The following DNAH11 variants were observed in gnomAD, a reference collection of about 807,000 sequenced individuals.
DNAH11 encodes dynein axonemal heavy chain 11.
A neutral mutation model predicts 526.0 loss-of-function variants in DNAH11; 442 were observed. The observed-to-expected ratio is 0.84, with a 90% CI of 0.78 to 0.91. The LOEUF (loss-of-function observed/expected upper bound fraction) is 0.91. DNAH11 is among the 40% of genes least tolerant of loss of function. The probability of loss-of-function intolerance (pLI) is 0.00; values close to 1 mark genes in which losing one functional copy is unlikely to be tolerated. For synonymous variants in DNAH11, 2,461 were observed against 1,935.9 expected (o/e 1.27, Z -7.12); for missense variants, 6,989 against 5,448.7 (o/e 1.28, Z -8.90).
intron 6 of DNAH11, among the ~76,000 whole-genome samples, chr7:21,567,572 A>G (rs990614618): frequency 1.3e-5 from 2 of 152,180 alleles, no homozygotes; most frequent in African/African-American, 2.4e-5. Flanking sequence ...CACCATCCCC[A>G]CAGGCGCAGC....
At chr7:21,852,396 G>T in intron 66 of DNAH11, 71 bp from the exon 67 acceptor site, 1 of 1,415,634 alleles carries the variant, frequency 7.1e-7, no homozygotes, top group Non-Finnish European at 9.4e-7. Flanking sequence ...GACAGAGCAA[G>T]ACTTCCTCTA....
At chr7:21,808,133 T>C in intron 63 of DNAH11, 84 bp downstream of exon 63, 3 of 1,158,716 alleles carry the variant, frequency 2.6e-6, no homozygotes, top group Non-Finnish European at 3.4e-6. Context: ...TGCCAGGCGC[T>C]TTTGGACGTC....
rs767567230 is a variant in DNAH11, at chr7:21,638,940, C to T, written c.4819C>T (p.Leu1607Phe). 1.9e-5 allele frequency: 31 copies of T among 1,605,406 alleles called. No individual in the cohort carries two copies. The highest frequency in any genetic ancestry group is 2.6e-5 in the Non-Finnish European group (31 of 1,177,262). ...YEKLKDLQSRLSLCEKALAEY... is the reference protein window; with the variant it reads ...YEKLKDLQSRFSLCEKALAEY... Reference sequence around the variant, plus strand: ...TAAAAACATTTTTCATTCATGTAGGCTTTCTCTTTGTGAAAAAGCTCTCGC... The same window carrying T: ...TAAAAACATTTTTCATTCATGTAGGTTTTCTCTTTGTGAAAAAGCTCTCGC... Residue 1607 changes from leucine to phenylalanine, a missense_variant and splice_region_variant, in exon 28 of 82, where the codon CTT becomes TTT. By Grantham distance (22) the Leu-to-Phe change is conservative. Coordinates refer to ENST00000409508, the MANE Select transcript of DNAH11 (RefSeq NM_001277115.2).
intron 68 of DNAH11, among the ~76,000 whole-genome samples, chr7:21,860,192 CAT>C (rs1397980521): frequency 1.3e-5 from 2 of 151,634 alleles, no homozygotes; most frequent in African/African-American, 2.4e-5. Flanking sequence ...AGGCAACAAA[CAT>C]ATGAAAAAAT....
chr7:21,569,293 A>G (rs1209436013), intron 6 of DNAH11, among the ~76,000 whole-genome samples: 13 of 152,202 alleles, frequency 8.5e-5, no homozygotes, highest in Admixed American at 7.2e-4. Flanking sequence ...TATAATTTAT[A>G]TGAGGTTAAG....
intron 42 of DNAH11, among the ~76,000 whole-genome samples, chr7:21,715,989 A>G (rs187317317): frequency 9.0e-4 from 136 of 151,936 alleles, no homozygotes; most frequent in African/African-American, 2.9e-3. Context: ...ATCATTTGCT[A>G]GTGGGATCGG....
In DNAH11 at chr7:21,564,954, G is replaced by T. The variant is rs531268101; in HGVS notation, c.1194+557G>T. ...CTTCCTCTGTGTCCTCATCCTGTCT[G>T]TGTGAATGTGGATTCTTCCATGTTC... On this transcript the variant is annotated intron_variant, in intron 6 of 81. Coordinates refer to ENST00000409508, the MANE Select transcript of DNAH11 (RefSeq NM_001277115.2). 1.5e-4 allele frequency among the ~76,000 whole-genome samples: 23 copies of T among 152,102 alleles called. 1 individual carries two copies. Among genetic ancestry groups the T allele is most frequent in the African/African-American group, 5.3e-4 (22 of 41,502 alleles).
Position 21,818,562 on chromosome 7 carries a change from G to A in DNAH11, c.10691+223G>A, listed in dbSNP as rs10950879. Among the ~76,000 whole-genome samples, 62,915 of 151,860 alleles carry A rather than the reference G, an allele frequency of 0.41. 13,935 individuals carry two copies. The highest frequency in any genetic ancestry group is 0.81 in the East Asian group (4,204 of 5,168). On this transcript the variant is annotated intron_variant, in intron 65 of 81. Coordinates refer to ENST00000409508, the MANE Select transcript of DNAH11 (RefSeq NM_001277115.2). ...TTGTTTTATCCAATTCCTGATTTAT[G>A]GGCCAAAAAATGTATTGTTATAAAT...
rs547400843 is a variant in DNAH11, at chr7:21,850,293, T to G, written c.10897-2174T>G. ...ATGGCGTGAACCCGGGAGGCGGAGC[T>G]TGCAGTGACCCGAGATGGCGCCACA... On this transcript the variant is annotated intron_variant, in intron 66 of 81. Coordinates refer to ENST00000409508, the MANE Select transcript of DNAH11 (RefSeq NM_001277115.2). 1.2e-3 allele frequency among the ~76,000 whole-genome samples: 181 copies of G among 150,190 alleles called. 1 individual carries two copies. The highest frequency in any genetic ancestry group is 1.8e-3 in the Non-Finnish European group (121 of 67,610).
intron 54 of DNAH11, 140 bp downstream of exon 54, chr7:21,750,504 C>A: frequency 8.8e-7 from 1 of 1,132,012 alleles, no homozygotes; most frequent in Non-Finnish European, 1.3e-6. Flanking sequence ...ACGCCTGTAT[C>A]TGGAGCGTAC....
intron 62 of DNAH11, among the ~76,000 whole-genome samples, chr7:21,802,681 T>C (rs1226664724): frequency 6.6e-6 from 1 of 151,994 alleles, no homozygotes; most frequent in Admixed American, 6.6e-5. Flanking sequence ...CTTGAAAATA[T>C]CATGCTAAAA....
chr7:21,873,357 G>T lies in DNAH11; in HGVS notation c.12051G>T (p.Arg4017Ser). ...GCCAAGGAAGCCACAGAGATTACAG[G>T]GTTTTCATGAGTGCTGAGTCTGCAC... Reference protein sequence around the residue: ...RFSQGSHRDYRVFMSAESAPT... With the variant: ...RFSQGSHRDYSVFMSAESAPT... Residue 4017 changes from arginine to serine, a missense_variant, in exon 74 of 82, where the codon AGG becomes AGT. Physicochemically the swap from Arg to Ser is moderately radical, Grantham distance 110. Transcript: ENST00000409508. The T allele has an allele frequency of 6.2e-7, 1 of 1,613,716 alleles. No individual in the cohort carries two copies. The highest frequency in any genetic ancestry group is 8.5e-7 in the Non-Finnish European group (1 of 1,179,802).
At chr7:21,728,406 C>CTG (rs1380553855) in intron 45 of DNAH11, among the ~76,000 whole-genome samples, 5 of 151,766 alleles carry the variant, frequency 3.3e-5, no homozygotes, top group Non-Finnish European at 5.9e-5. Flanking sequence ...TACAGGCAAC[C>CTG]CACCACCATG....
intron 35 of DNAH11, among the ~76,000 whole-genome samples, chr7:21,693,252 T>C (rs1371339765): frequency 2.0e-5 from 3 of 152,236 alleles, no homozygotes; most frequent in Non-Finnish European, 4.4e-5. Flanking sequence ...ATTCTGTTAA[T>C]GTGCTGAACT....
intron 8 of DNAH11, among the ~76,000 whole-genome samples, chr7:21,578,481 T>G (rs1784186152): frequency 6.6e-6 from 1 of 152,222 alleles, no homozygotes. Flanking sequence ...CACAACTGCT[T>G]TCACTGGCTG....
At chr7:21,693,940 G>C (rs982632962) in intron 35 of DNAH11, among the ~76,000 whole-genome samples, 1 of 152,184 alleles carries the variant, frequency 6.6e-6, no homozygotes, top group African/African-American at 2.4e-5. Context: ...AGGTGGACCA[G>C]GAGAGAGAAC....
chr7:21,649,082 C>T (rs186854705), intron 28 of DNAH11, among the ~76,000 whole-genome samples: 34 of 152,278 alleles, frequency 2.2e-4, no homozygotes, highest in African/African-American at 7.9e-4. Flanking sequence ...AACACATATA[C>T]TTGCTCATAC....
At chr7:21,704,383 G>A (rs1365178908) in intron 37 of DNAH11, 51 bp from the exon 38 acceptor site, 3 of 1,516,872 alleles carry the variant, frequency 2.0e-6, no homozygotes, top group East Asian at 4.8e-5. Context: ...AGTTTTTTAG[G>A]TGTTTGTTAG....
chr7:21,559,549 T>G (rs1783364909), intron 3 of DNAH11, 54 bp from the exon 4 acceptor site: 2 of 1,388,760 alleles, frequency 1.4e-6, no homozygotes, highest in Non-Finnish European at 2.0e-6. Flanking sequence ...AAAGTCTATG[T>G]CTTTGGATAA....
Sources: allele counts gnomAD v4.1 joint callset (sites outside exome capture counted in the v4.1 genomes callset), GRCh38; gene constraint gnomAD v4.1.1; transcripts MANE v1.5; gene names NCBI Gene and HGNC (gene_info 2026-07-23, HGNC 2026-07-21).